Variants in PPDPFL observed in about 807,000 individuals in gnomAD.
PPDPFL encodes pancreatic progenitor cell differentiation and proliferation factor like.
In PPDPFL, 12 loss-of-function variants were observed where a neutral mutation model predicts 12.6. The observed-to-expected ratio is 0.95, with a 90% CI of 0.61 to 1.54. The LOEUF (loss-of-function observed/expected upper bound fraction) is 1.54, where lower values mean the gene tolerates loss of function less well. Among genes scored for constraint, PPDPFL ranks in the 40% most tolerant of loss-of-function variants. PPDPFL has a pLI of 0.00. For missense variants in PPDPFL, 114 were observed against 96.0 expected (o/e 1.19, Z -0.78); for synonymous variants, 24 against 32.7 (o/e 0.73, Z 0.91).
At position 49,074,080 on chromosome 8, in the gene PPDPFL, G is replaced by T; in HGVS notation, c.77G>T (p.Ser26Ile). 1 of 1,612,692 alleles carries T rather than the reference G, an allele frequency of 6.2e-7. No homozygotes were observed. The highest frequency in any genetic ancestry group is 8.5e-7 in the Non-Finnish European group (1 of 1,178,924). Residue 26 changes from serine (S) to isoleucine (I), a missense_variant, in exon 3 of 5, where the codon AGT becomes ATT. Ser to Ile is a moderately radical substitution (Grantham distance 142). Transcript: ENST00000522267. Reference protein sequence around the residue: ...YYRKSSVSSVSSLTSSDSVNF... With the variant: ...YYRKSSVSSVISLTSSDSVNF... ...ACAGAGTCCAGTGTTTCTTCAGTTA[G>T]TTCTTTAACTAGCTCTGATTCTGTT...
At chr8:49,058,108 A>G (rs1162241915) in intron 1 of PPDPFL, among the ~76,000 whole-genome samples, 1 of 152,202 alleles carries the variant, frequency 6.6e-6, no homozygotes, top group Admixed American at 6.5e-5. Context: ...GTAAGTAAAA[A>G]TTATCCATTG....
At chr8:49,074,409 AC>A in intron 4 of PPDPFL, 76 bp downstream of exon 4, 1 of 1,577,406 alleles carries the variant, frequency 6.3e-7, no homozygotes, top group African/African-American at 1.3e-5. Flanking sequence ...GTGTTATGCT[AC>A]TCACTTAGGG....
intron 1 of PPDPFL, among the ~76,000 whole-genome samples, chr8:49,058,494 A>T (rs528835017): frequency 1.5e-3 from 235 of 152,360 alleles, no homozygotes; most frequent in Non-Finnish European, 2.7e-3. Context: ...GGAGATATTT[A>T]ATCAATCTTG....
chr8:49,073,259 T>C (rs1808425571), intron 2 of PPDPFL, among the ~76,000 whole-genome samples: 1 of 152,224 alleles, frequency 6.6e-6, no homozygotes, highest in African/African-American at 2.4e-5. Flanking sequence ...GCTTCAAAAA[T>C]TTTCTAATTT....
At chr8:49,059,038 T>C (rs867188396) in intron 1 of PPDPFL, among the ~76,000 whole-genome samples, 2 of 152,320 alleles carry the variant, frequency 1.3e-5, no homozygotes, top group Middle Eastern at 3.4e-3. Flanking sequence ...TCTGGCTGGC[T>C]TTCTTAGATA....
chr8:49,058,404 A>G (rs1445321236), intron 1 of PPDPFL, among the ~76,000 whole-genome samples: 1 of 152,226 alleles, frequency 6.6e-6, no homozygotes, highest in Non-Finnish European at 1.5e-5. Flanking sequence ...AGGGATGAAG[A>G]CAGTGAAAGA....
chr8:49,072,893 G>T lies in PPDPFL; in HGVS notation c.55+8G>T. 6.2e-7 allele frequency: 1 copy of T among 1,603,164 alleles called. No homozygotes were observed. Among genetic ancestry groups the T allele is most frequent in the Non-Finnish European group, 8.5e-7 (1 of 1,174,566 alleles). On this transcript the variant is annotated splice_region_variant and intron_variant, in intron 2 of 4. Transcript: ENST00000522267. Reference sequence around the variant, plus strand: ...GAAATCAGTATTATCGAAGTAAGTTGCATCATCATAGAGACGTCCCTAGAT... The same window carrying T: ...GAAATCAGTATTATCGAAGTAAGTTTCATCATCATAGAGACGTCCCTAGAT...
rs144567681 is a variant in PPDPFL at position 49,074,299 on chromosome 8, T to A, written c.199T>A (p.Ser67Thr). ...KSFFHSEPVL[S>T]NVRIKDLSAT... ...GTTTTTCCATTCTGAACCTGTGCTT[T>A]CAAATGTGAGAATAAAAGATCTGTC... Residue 67 changes from serine (S) to threonine (T), a missense_variant, in exon 4 of 5, where the codon TCA becomes ACA. Physicochemically the swap from Ser to Thr is moderately conservative, Grantham distance 58. Coordinates refer to ENST00000522267, the MANE Select transcript of PPDPFL (RefSeq NM_001256597.2). 2.0e-4 allele frequency: 318 copies of A among 1,614,030 alleles called. 4 individuals carry two copies. In the East Asian group the frequency reaches 5.9e-3, roughly 30 times the overall value.
chr8:49,066,273 A>G (rs1349915642), intron 1 of PPDPFL, among the ~76,000 whole-genome samples: 1 of 152,226 alleles, frequency 6.6e-6, no homozygotes, highest in Non-Finnish European at 1.5e-5. Flanking sequence ...TATTTTCTCC[A>G]TATCCATGAA....
chr8:49,074,345 C>A lies in PPDPFL; in HGVS notation c.233+12C>A. On this transcript the variant is annotated intron_variant, in intron 4 of 4. Transcript: ENST00000522267. ...CTGTCTGCTACTGGGTGAGTTTTAG[C>A]CTTCTCTGGTAAGGGCAGTTCTTAC... 6.2e-7 allele frequency: 1 copy of A among 1,611,090 alleles called. No individual in the cohort carries two copies. The highest frequency in any genetic ancestry group is 8.5e-7 in the Non-Finnish European group (1 of 1,177,274).
chr8:49,067,190 A>G (rs1397256674), intron 1 of PPDPFL, among the ~76,000 whole-genome samples: 1 of 152,232 alleles, frequency 6.6e-6, no homozygotes, highest in African/African-American at 2.4e-5. Context: ...CCTTTTTCAT[A>G]TATCACTTGT....
chr8:49,074,694 A>G (rs879607957), intron 4 of PPDPFL: 1 of 1,483,446 alleles, frequency 6.7e-7, no homozygotes, highest in African/African-American at 1.4e-5. Flanking sequence ...TGTCTTAAAT[A>G]ACCTTAGGAT....
upstream of PPDPFL, among the ~76,000 whole-genome samples, chr8:49,069,331 T>C (rs1808344829): frequency 6.6e-6 from 1 of 152,234 alleles, no homozygotes; most frequent in Non-Finnish European, 1.5e-5. Flanking sequence ...TGTAACATAA[T>C]GGCAGTATAC....
In PPDPFL at chr8:49,058,612, C is replaced by T. The variant is rs537310922; in HGVS notation, c.-45+4243C>T. Among the ~76,000 whole-genome samples the T allele has an allele frequency of 2.0e-5, 3 of 152,166 alleles. No homozygotes were observed. The East Asian group carries it at 5.8e-4, about 29-fold the overall frequency. ...TTGAAGCACTTTATTTTGTTTAGAC[C>T]AATATTTTACAGTTAGCACATTGCT... is the stretch of plus-strand genomic sequence containing the variant. On this transcript the variant is annotated intron_variant, in intron 1 of 4. Coordinates refer to the PPDPFL transcript ENST00000517663.
chr8:49,058,997 G>T (rs763878471), intron 1 of PPDPFL, among the ~76,000 whole-genome samples: 1 of 152,138 alleles, frequency 6.6e-6, no homozygotes, highest in Non-Finnish European at 1.5e-5. Flanking sequence ...CAGTCGGAGT[G>T]GTCTGTAACT....
At chr8:49,055,974 C>T (rs1808106471) in intron 1 of PPDPFL, among the ~76,000 whole-genome samples, 1 of 152,170 alleles carries the variant, frequency 6.6e-6, no homozygotes, top group East Asian at 1.9e-4. Context: ...ACTGCAATAA[C>T]TTCCTAATTC....
upstream of PPDPFL, among the ~76,000 whole-genome samples, chr8:49,071,203 C>G (rs867028104): frequency 6.6e-6 from 1 of 152,130 alleles, no homozygotes. Context: ...ATTTGAAAAC[C>G]TAGCTGACAT....
At chr8:49,067,914 G>A (rs73678317), upstream of PPDPFL, among the ~76,000 whole-genome samples, 15 of 152,138 alleles carry the variant, frequency 9.9e-5, no homozygotes, top group African/African-American at 3.6e-4. Context: ...TAGCACCCTC[G>A]ACTCTAGGAC....
intron 1 of PPDPFL, among the ~76,000 whole-genome samples, chr8:49,059,957 C>A (rs941851152): frequency 6.6e-6 from 1 of 152,034 alleles, no homozygotes; most frequent in African/African-American, 2.4e-5. Flanking sequence ...AAAACCATTC[C>A]GGGCTTTGGA....
Sources: gnomAD v4.1 joint callset for allele counts (sites outside exome capture counted in the v4.1 genomes callset) on GRCh38, gnomAD v4.1.1 for gene constraint, MANE v1.5 for transcripts, NCBI Gene and HGNC (gene_info 2026-07-23, HGNC 2026-07-21) for gene names.